TRDMT1: variants seen among roughly 807,000 people sequenced by gnomAD.
TRDMT1 encodes the protein tRNA aspartic acid methyltransferase 1, also known as tRNA (cytosine(38)-C(5))-methyltransferase.
In TRDMT1, 49 loss-of-function variants were observed where a neutral mutation model predicts 51.2. That is an observed-to-expected ratio of 0.96 (90% confidence interval 0.76 to 1.21). The LOEUF (loss-of-function observed/expected upper bound fraction) is 1.21. Ranked by LOEUF, TRDMT1 falls within the 50% of genes most tolerant of loss-of-function variation. TRDMT1 has a pLI of 0.00. For synonymous variants in TRDMT1, 187 were observed against 164.6 expected, an observed-to-expected ratio of 1.14 and a Z score of -1.04; for missense variants, 534 against 462.3, an observed-to-expected ratio of 1.16 and a Z score of -1.42.
chr10:17,196,740 G>A (rs1036755399), intron 1 of TRDMT1, among the ~76,000 whole-genome samples: 4 of 152,110 alleles, frequency 2.6e-5, no homozygotes, highest in African/African-American at 7.2e-5. Flanking sequence ...CCAAATAGAA[G>A]CCAGAACTCA....
At chr10:17,179,511 ATAGAT>A (rs1440248818) in intron 1 of TRDMT1, among the ~76,000 whole-genome samples, 2 of 152,068 alleles carry the variant, frequency 1.3e-5, no homozygotes, top group African/African-American at 4.8e-5. Context: ...CTGGAATATT[ATAGAT>A]TAAATAGATA....
intron 1 of TRDMT1, among the ~76,000 whole-genome samples, chr10:17,184,619 T>C (rs1328873591): frequency 1.3e-5 from 2 of 152,070 alleles, no homozygotes; most frequent in African/African-American, 2.4e-5. Context: ...TGCAAAACAC[T>C]AGCAGTATAA....
In TRDMT1 at chr10:17,148,927, A is replaced by G; in HGVS notation, c.*113T>C. The G allele has an allele frequency of 7.3e-7, 1 of 1,365,496 alleles. No individual in the cohort carries two copies. 84.6% of individuals were successfully genotyped at this position (1,365,496 alleles called of 1,614,324 possible). A position where few individuals can be genotyped will look rare whatever the true frequency, so the allele number is the denominator to read the frequency against. Reference sequence around the variant, plus strand: ...AAAATCCAAATTTCTTAATAAGGACAGATTAAAATAATTTAGTTAAATTTC... The same window carrying G: ...AAAATCCAAATTTCTTAATAAGGACGGATTAAAATAATTTAGTTAAATTTC... On this transcript the variant is annotated 3_prime_UTR_variant, in exon 11 of 11. Coordinates refer to ENST00000377799, the MANE Select transcript of TRDMT1 (RefSeq NM_004412.7).
At chr10:17,193,015 A>G (rs1844902781) in intron 1 of TRDMT1, among the ~76,000 whole-genome samples, 1 of 152,160 alleles carries the variant, frequency 6.6e-6, no homozygotes, top group Non-Finnish European at 1.5e-5. Context: ...GCCCATTCTC[A>G]CCACTCTATT....
At chr10:17,161,328 T>C (rs1023770975) in intron 5 of TRDMT1, among the ~76,000 whole-genome samples, 155 bp downstream of exon 5, 1 of 152,210 alleles carries the variant, frequency 6.6e-6, no homozygotes, top group Non-Finnish European at 1.5e-5. Flanking sequence ...TACTTACTAA[T>C]ACATTATTAG....
intron 10 of TRDMT1, chr10:17,153,004 T>A (rs1184017667): frequency 6.3e-6 from 1 of 157,772 alleles, no homozygotes. Flanking sequence ...TTTCTCCACC[T>A]ACCCCTTGTA....
At chr10:17,151,916 G>C in intron 10 of TRDMT1, 2 of 1,134,502 alleles carry the variant, frequency 1.8e-6, no homozygotes, top group Non-Finnish European at 2.2e-6. Context: ...AACGGTTAAG[G>C]TGGGGCTGGG....
At chr10:17,193,849 C>G (rs1450754027) in intron 1 of TRDMT1, among the ~76,000 whole-genome samples, 1 of 152,118 alleles carries the variant, frequency 6.6e-6, no homozygotes, top group African/African-American at 2.4e-5. Context: ...GCCTGAATAG[C>G]CAAAGCAATC....
chr10:17,168,540 G>C (rs958260678), intron 3 of TRDMT1, among the ~76,000 whole-genome samples: 6 of 152,126 alleles, frequency 3.9e-5, no homozygotes, highest in Admixed American at 2.6e-4. Context: ...GACGGACCCG[G>C]TGGGAGGTAA....
Position 17,153,804 on chromosome 10 carries a change from A to G in TRDMT1, c.946-168T>C, listed in dbSNP as rs543977432. ...GCAATAGACTACATATTGGCTCAATAAGGGCAATGTAAACTTTGAAAAGAA... is the reference window on the plus strand; with the variant it reads ...GCAATAGACTACATATTGGCTCAATGAGGGCAATGTAAACTTTGAAAAGAA... On this transcript the variant is annotated intron_variant, in intron 9 of 10. Transcript: ENST00000377799. Among the ~76,000 whole-genome samples, 13 of 152,342 alleles carry G rather than the reference A, an allele frequency of 8.5e-5. No homozygotes were observed. The South Asian group carries it at 2.7e-3, about 32-fold the overall frequency.
chr10:17,195,962 G>C (rs578150220), intron 1 of TRDMT1, among the ~76,000 whole-genome samples: 1 of 152,048 alleles, frequency 6.6e-6, no homozygotes, highest in Non-Finnish European at 1.5e-5. Flanking sequence ...GCGGTTCATA[G>C]GCCAGCCCCT....
intron 2 of TRDMT1, 97 bp from the exon 3 acceptor site, chr10:17,169,014 T>A: frequency 1.2e-6 from 1 of 806,550 alleles, no homozygotes; most frequent in Non-Finnish European, 1.9e-6. Flanking sequence ...TATCAGAAAC[T>A]GAAACAGTTT....
rs1381489013 is a variant in TRDMT1 at position 17,137,694 on chromosome 10, TG to T, written c.*11345del. On this transcript the variant is annotated 3_prime_UTR_variant, in exon 11 of 11. Transcript: ENST00000377799. ...ATACAAAAAAATTAGCCGGGCATGG[TG>T]GCACACACCTGTAGTCCCAGCTACT... 1 of 152,250 alleles carries T rather than the reference TG, an allele frequency of 6.6e-6. No homozygotes were observed. Among genetic ancestry groups the T allele is most frequent in the East Asian group, 1.9e-4 (1 of 5,166 alleles). The allele number at this position is 152,250 out of a possible 1,614,324, so 9.4% of individuals were successfully genotyped here.
intron 1 of TRDMT1, among the ~76,000 whole-genome samples, chr10:17,197,094 A>T (rs1232021302): frequency 1.3e-5 from 2 of 152,028 alleles, no homozygotes; most frequent in African/African-American, 4.8e-5. Flanking sequence ...TGTCCTGGAG[A>T]TTCTGTGAGT....
rs1174732126 is a variant in TRDMT1 at position 17,137,866 on chromosome 10, T to C, written c.*11174A>G. On this transcript the variant is annotated 3_prime_UTR_variant, in exon 11 of 11. Coordinates refer to ENST00000377799, the MANE Select transcript of TRDMT1 (RefSeq NM_004412.7). ...AAAAAAAAAAAGGTTGTTCCACTTG[T>C]CCAGCAGGGTGACCTTGAAGGAAAG... Among the ~76,000 whole-genome samples the C allele has an allele frequency of 6.6e-6, 1 of 151,488 alleles. No homozygotes were observed. The highest frequency in any genetic ancestry group is 1.5e-5 in the Non-Finnish European group (1 of 67,970).
Position 17,146,011 on chromosome 10 carries a change from C to G in TRDMT1, c.*3029G>C, listed in dbSNP as rs1838074916. On this transcript the variant is annotated 3_prime_UTR_variant, in exon 11 of 11. Coordinates refer to ENST00000377799, the MANE Select transcript of TRDMT1 (RefSeq NM_004412.7). ...TGGTGATTTCTGCTGAGAACTTCCA[C>G]CCCTACCAATGCGTTGAATTGCCTG... 4.1e-6 allele frequency: 4 copies of G among 985,444 alleles called. No homozygotes were observed. The African/African-American group carries it at 7.0e-5, about 17-fold the overall frequency. The allele number at this position is 985,444 out of a possible 1,614,324, so 61.0% of individuals were successfully genotyped here.
At chr10:17,161,001 G>A (rs73604285) in intron 5 of TRDMT1, among the ~76,000 whole-genome samples, 3,618 of 152,198 alleles carry the variant, frequency 0.024, 131 homozygotes, top group African/African-American at 0.083. Context: ...TATCTTCAAG[G>A]TGGCCAGTCA....
intron 5 of TRDMT1, among the ~76,000 whole-genome samples, chr10:17,160,654 G>A (rs1162169461): frequency 6.6e-6 from 1 of 152,088 alleles, no homozygotes; most frequent in African/African-American, 2.4e-5. Flanking sequence ...TGTATTTTTA[G>A]TAGATACAGG....
Position 17,137,923 on chromosome 10 carries a change from G to C in TRDMT1, c.*11117C>G, listed in dbSNP as rs1378654865. 5.3e-5 allele frequency among the ~76,000 whole-genome samples: 8 copies of C among 152,194 alleles called. No homozygotes were observed. Among genetic ancestry groups the C allele is most frequent in the South Asian group, 2.1e-4 (1 of 4,812 alleles). On this transcript the variant is annotated 3_prime_UTR_variant, in exon 11 of 11. Coordinates refer to ENST00000377799, the MANE Select transcript of TRDMT1 (RefSeq NM_004412.7). ...GGTAAAGGAAGAGACATCGACAGAA[G>C]GCCTTAAGTGGCAGGTTAAAGAATG... is the stretch of plus-strand genomic sequence containing the variant.
Sources: gnomAD v4.1 joint callset for allele counts (sites outside exome capture counted in the v4.1 genomes callset) on GRCh38, gnomAD v4.1.1 for gene constraint, MANE v1.5 for transcripts, NCBI Gene and HGNC (gene_info 2026-07-23, HGNC 2026-07-21) for gene names.